The following EXT2 variants were observed in gnomAD, a reference collection of about 807,000 sequenced individuals.
The protein encoded by EXT2 is exostosin glycosyltransferase 2.
Under a neutral mutation model 81.6 loss-of-function variants are expected in EXT2, and 53 were observed. The observed-to-expected ratio is 0.65, with a 90% CI of 0.52 to 0.82. EXT2 has a LOEUF of 0.82. EXT2 is among the 40% of genes least tolerant of loss of function. The probability of loss-of-function intolerance (pLI) is 0.00; values close to 1 mark genes in which losing one functional copy is unlikely to be tolerated. For synonymous variants in EXT2, 320 were observed against 340.0 expected (o/e 0.94, Z 0.65); for missense variants, 774 against 910.2 (o/e 0.85, Z 1.93).
chr11:44,130,732 G>A (rs766328086), intron 7 of EXT2, among the ~76,000 whole-genome samples: 1 of 152,210 alleles, frequency 6.6e-6, no homozygotes, highest in Non-Finnish European at 1.5e-5. Flanking sequence ...ATTTAATTGG[G>A]TTTAAATATC....
intron 11 of EXT2, among the ~76,000 whole-genome samples, chr11:44,233,661 C>G (rs530322734): frequency 6.6e-6 from 1 of 152,248 alleles, no homozygotes; most frequent in East Asian, 1.9e-4. Context: ...GTATTCATAT[C>G]GATTGTTTGT....
intron 8 of EXT2, among the ~76,000 whole-genome samples, chr11:44,172,484 G>A (rs1955089693): frequency 6.6e-6 from 1 of 152,038 alleles, no homozygotes; most frequent in South Asian, 2.1e-4. Flanking sequence ...AGACGTCAAG[G>A]CATTCCTGTA....
chr11:44,202,704 G>T (rs546642853), intron 9 of EXT2, among the ~76,000 whole-genome samples: 15 of 152,338 alleles, frequency 9.8e-5, no homozygotes, highest in Middle Eastern at 3.4e-3. Context: ...TACCTCCAGT[G>T]TGCTGGGCAC....
chr11:44,213,661 T>C (rs537196389), intron 10 of EXT2, among the ~76,000 whole-genome samples: 1 of 152,204 alleles, frequency 6.6e-6, no homozygotes, highest in East Asian at 1.9e-4. Context: ...GATAAATCAA[T>C]AGGAATTCTC....
chr11:44,114,256 A>G lies in EXT2; in HGVS notation c.698A>G (p.Tyr233Cys), dbSNP rs146316660. 7.6e-5 allele frequency: 122 copies of G among 1,614,106 alleles called. No homozygotes were observed. The highest frequency in any genetic ancestry group is 8.9e-5 in the East Asian group (4 of 44,880). The change falls in exon 4 of 14, where the codon TAT becomes TGT. Residue 233 changes from tyrosine (Y) to cysteine (C), a missense_variant. Around this residue, in one of 2 missense-constraint regions of EXT2, gnomAD observed 626 missense variants for 670.5 expected, o/e 0.93. Transcript: ENST00000533608. Reference sequence around the variant, plus strand: ...GGCTACGATGTCAGCATTCCTGTCTATAGTCCACTGTCAGCTGAGGTGGAT... The same window carrying G: ...GGCTACGATGTCAGCATTCCTGTCTGTAGTCCACTGTCAGCTGAGGTGGAT... Reference protein sequence around the residue: ...RQGYDVSIPVYSPLSAEVDLP... With the variant: ...RQGYDVSIPVCSPLSAEVDLP...
intron 8 of EXT2, among the ~76,000 whole-genome samples, chr11:44,190,743 C>T (rs777221757): frequency 9.8e-5 from 15 of 152,306 alleles, no homozygotes; most frequent in East Asian, 1.9e-4. Context: ...TTTCACAATC[C>T]GAGTAGCATC....
intron 6 of EXT2, among the ~76,000 whole-genome samples, chr11:44,128,823 C>A (rs1954447174): frequency 6.6e-6 from 1 of 152,176 alleles, no homozygotes; most frequent in South Asian, 2.1e-4. Context: ...GTTCTCCCAT[C>A]TGTATAGTGG....
chr11:44,213,120 A>T (rs1187854866), intron 10 of EXT2, among the ~76,000 whole-genome samples: 1 of 152,232 alleles, frequency 6.6e-6, no homozygotes, highest in East Asian at 1.9e-4. Context: ...ATAGCATTAA[A>T]TGCTTATATT....
At chr11:44,234,021 G>T (rs1955929014) in intron 11 of EXT2, 94 bp from the exon 12 acceptor site, 2 of 1,556,596 alleles carry the variant, frequency 1.3e-6, no homozygotes, top group South Asian at 2.3e-5. Context: ...ATGAGAGAAA[G>T]CTTGTCCCCA....
chr11:44,174,899 A>G (rs114627002), intron 8 of EXT2, among the ~76,000 whole-genome samples: 509 of 152,304 alleles, frequency 3.3e-3, no homozygotes, highest in African/African-American at 0.011. Flanking sequence ...AACTTCAGAG[A>G]GTTCAGTGTG....
Position 44,107,951 on chromosome 11 carries a change from G to A in EXT2, c.239G>A (p.Arg80Gln), listed in dbSNP as rs763536229. ...CCAGCCGACAGTCCCATCCCAGAGC[G>A]GGGGGATCTCAGTTGCAGAATGCAC... The part of the protein sequence containing the change: ...RLPADSPIPE[R>Q]GDLSCRMHTC... Residue 80 changes from arginine to glutamine, a missense_variant, in exon 2 of 14, where the codon CGG (arginine) becomes CAG (glutamine). Physicochemically the swap from Arg to Gln is conservative, Grantham distance 43. Around this residue, in one of 2 missense-constraint regions of EXT2, gnomAD observed 626 missense variants for 670.5 expected, o/e 0.93. Coordinates refer to ENST00000533608, the MANE Select transcript of EXT2 (RefSeq NM_207122.2). 1.2e-5 allele frequency: 19 copies of A among 1,614,064 alleles called. No homozygotes were observed. Among genetic ancestry groups the A allele is most frequent in the Middle Eastern group, 1.6e-4 (1 of 6,084 alleles).
chr11:44,184,592 A>G (rs532140894), intron 8 of EXT2, among the ~76,000 whole-genome samples: 2 of 152,264 alleles, frequency 1.3e-5, no homozygotes, highest in Admixed American at 1.3e-4. Context: ...TCTACTAAAA[A>G]TACAAGAAAT....
At position 44,126,849 on chromosome 11, in the gene EXT2, C is replaced by T. The variant is rs145611597; in HGVS notation, c.973C>T (p.Arg325Trp). Residue 325 changes from arginine to tryptophan, a missense_variant, in exon 6 of 14, where the codon CGG becomes TGG. Transcript: ENST00000533608. Reference sequence around the variant, plus strand: ...TTTCTGTGTGGTTCTTCGTGGAGCTCGGCTGGGCCAGGCAGTATTGAGCGA... The same window carrying T: ...TTTCTGTGTGGTTCTTCGTGGAGCTTGGCTGGGCCAGGCAGTATTGAGCGA... ...ATFCVVLRGA[R>W]LGQAVLSDVL... 30 of 1,614,050 alleles carry T rather than the reference C, an allele frequency of 1.9e-5. No individual in the cohort carries two copies. The highest frequency in any genetic ancestry group is 1.5e-4 in the African/African-American group (11 of 74,908).
In EXT2 at chr11:44,156,573, T is replaced by C. The variant is rs1019956250; in HGVS notation, c.1174-15038T>C. ...ATTTCTGCTTGATTTTCAAAAATTATTTCAATCTCCTTTGTTAAATTTATC... is the reference window on the plus strand; with the variant it reads ...ATTTCTGCTTGATTTTCAAAAATTACTTCAATCTCCTTTGTTAAATTTATC... On this transcript the variant is annotated intron_variant, in intron 7 of 13. Transcript: ENST00000533608. Among the ~76,000 whole-genome samples the C allele has an allele frequency of 3.3e-5, 5 of 152,346 alleles. No homozygotes were observed. The East Asian group carries it at 7.7e-4, about 24-fold the overall frequency.
At chr11:44,218,690 G>A (rs1295426236) in intron 10 of EXT2, among the ~76,000 whole-genome samples, 1 of 151,860 alleles carries the variant, frequency 6.6e-6, no homozygotes, top group East Asian at 1.9e-4. Context: ...GAATTCCAGA[G>A]CTGAGATGCT....
At chr11:44,157,698 G>A (rs1022178993) in intron 7 of EXT2, among the ~76,000 whole-genome samples, 3 of 152,140 alleles carry the variant, frequency 2.0e-5, no homozygotes, top group Admixed American at 1.3e-4. Context: ...AGACCCCAAA[G>A]TCTACTTGGT....
intron 6 of EXT2, among the ~76,000 whole-genome samples, chr11:44,127,537 C>T (rs1179876469): frequency 6.6e-6 from 1 of 152,208 alleles, no homozygotes; most frequent in East Asian, 1.9e-4. Context: ...ACAGTTTCAT[C>T]CCCAAACGAT....
At chr11:44,173,563 C>CTTTTTTTTTTTTTTTTTTTT (rs66702988) in intron 8 of EXT2, among the ~76,000 whole-genome samples, 19 of 100,074 alleles carry the variant, frequency 1.9e-4, no homozygotes, top group Admixed American at 2.6e-4. Flanking sequence ...TTCTTTCTTT[C>CTTTTTTTTTTTTTTTTTTTT]TTTTTTTTTT....
intron 3 of EXT2, among the ~76,000 whole-genome samples, chr11:44,111,552 GTTACTACCTTGGATTTCTTATCCTT>G (rs1157740784): frequency 6.6e-6 from 1 of 152,062 alleles, no homozygotes; most frequent in African/African-American, 2.4e-5. Context: ...CTGTAATACC[GTTACTACCTTGGATTTCTTATCCTT>G]TCTTTGCAAA....
Sources: allele counts gnomAD v4.1 joint callset (sites outside exome capture counted in the v4.1 genomes callset), GRCh38; gene constraint gnomAD v4.1.1; regional missense constraint gnomAD v4.1.1; transcripts MANE v1.5; gene names NCBI Gene and HGNC (gene_info 2026-07-23, HGNC 2026-07-21).